The following APC variants were observed in gnomAD, a reference collection of about 807,000 sequenced individuals.
APC encodes adenomatous polyposis coli protein.
In APC, 72 loss-of-function variants were observed where a neutral mutation model predicts 247.0. That is an observed-to-expected ratio of 0.29 (90% CI 0.24 to 0.35). APC has a LOEUF of 0.35. Among genes scored for constraint, APC ranks in the 10% least tolerant of loss-of-function variants. The pLI is 1.00. For synonymous variants in APC, 1,254 were observed against 1,162.5 expected, an observed-to-expected ratio of 1.08 and a Z score of -1.60; for missense variants, 3,400 against 3,360.7, an observed-to-expected ratio of 1.01 and a Z score of -0.29.
intron 6 of APC, among the ~76,000 whole-genome samples, chr5:112,782,883 A>G (rs1758505003): frequency 1.3e-5 from 2 of 152,222 alleles, no homozygotes; most frequent in South Asian, 4.1e-4. Context: ...CAAAGAACTA[A>G]AATCAAGAAT....
At chr5:112,755,225 AGT>A (rs1285101568) in intron 2 of APC, 200 bp downstream of exon 2, 1 of 371,410 alleles carries the variant, frequency 2.7e-6, no homozygotes, top group African/African-American at 2.2e-5. Context: ...AAAGAAAATA[AGT>A]GTAAAACTCC....
chr5:112,836,165 T>TGG, intron 15 of APC, among the ~76,000 whole-genome samples: 1 of 24,492 alleles, frequency 4.1e-5, no homozygotes, highest in Non-Finnish European at 8.5e-5. Flanking sequence ...GGATTACAGG[T>TGG]CCCCCCCCCC....
In APC at chr5:112,842,548, T is replaced by C. The variant is rs1554087876; in HGVS notation, c.6954T>C (p.Ser2318=). 1 of 1,613,908 alleles carries C rather than the reference T, an allele frequency of 6.2e-7. No individual in the cohort carries two copies. The highest frequency in any genetic ancestry group is 1.3e-5 in the African/African-American group (1 of 74,928). Residue 2318 remains serine (S), a synonymous_variant, in exon 16 of 16, where the codon AGT becomes AGC. Coordinates refer to ENST00000257430, the MANE Select transcript of APC (RefSeq NM_000038.6). ...CAAGACCTGCCCAGCAACCATTAAG[T>C]AGACCTATACAGTCTCCTGGCCGAA... ...TPSRPAQQPL[S]RPIQSPGRNS...
chr5:112,734,079 G>A (rs1752236846), upstream of APC, among the ~76,000 whole-genome samples: 1 of 152,152 alleles, frequency 6.6e-6, no homozygotes, highest in South Asian at 2.1e-4. Flanking sequence ...TGTAATCACA[G>A]CACCTTGCGA....
chr5:112,750,153 G>A (rs1252935119), intron 1 of APC, among the ~76,000 whole-genome samples: 2 of 151,726 alleles, frequency 1.3e-5, no homozygotes, highest in Non-Finnish European at 2.9e-5. Context: ...AGTAGAGATC[G>A]GGTTTCACCA....
rs77929348 is a variant in APC, at chr5:112,783,765, CAAAAAAAAA to C, written c.645+2873_645+2881del. 1.3e-3 allele frequency: 258 copies of C among 198,062 alleles called. 1 individual carries two copies. Among genetic ancestry groups the C allele is most frequent in the Non-Finnish European group, 1.9e-3 (211 of 108,784 alleles). The allele number at this position is 198,062 out of a possible 1,614,324, so 12.3% of individuals were successfully genotyped here. ...TGAGCTACAATCTCACCACTGCACTCAAAAAAAAAAAAAAAAAAAGAGAAAGAAAGGAAA... is the reference window on the plus strand; with the variant it reads ...TGAGCTACAATCTCACCACTGCACTCAAAAAAAAAAGAGAAAGAAAGGAAA... On this transcript the variant is annotated intron_variant, in intron 6 of 15. Transcript: ENST00000257430.
intron 1 of APC, among the ~76,000 whole-genome samples, chr5:112,720,108 T>C (rs1157986964): frequency 6.6e-6 from 1 of 152,232 alleles, no homozygotes; most frequent in Admixed American, 6.5e-5. Context: ...TCTTCTGTGA[T>C]GGAGGAGTGT....
intron 1 of APC, among the ~76,000 whole-genome samples, chr5:112,714,625 C>G (rs868039637): frequency 5.3e-5 from 8 of 152,314 alleles, no homozygotes; most frequent in African/African-American, 1.9e-4. Context: ...TTTCAGACTT[C>G]ATATCCTCAT....
At position 112,843,567 on chromosome 5, in the gene APC, G is replaced by C. The variant is rs79619757; in HGVS notation, c.7973G>C (p.Trp2658Ser). Reference protein sequence around the residue: ...APAVSKTEDVWVRIEDCPINN... With the variant: ...APAVSKTEDVSVRIEDCPINN... ...GCTGTTTCTAAAACAGAGGATGTTT[G>C]GGTGAGAATTGAGGACTGTCCCATT... Residue 2658 changes from tryptophan (W) to serine (S), a missense_variant, in exon 16 of 16, where the codon TGG becomes TCG. Coordinates refer to ENST00000257430, the MANE Select transcript of APC (RefSeq NM_000038.6). The surrounding 1 kb of genome is among the most constrained non-coding windows in gnomAD (Gnocchi z 4.8). 6.2e-7 allele frequency: 1 copy of C among 1,613,926 alleles called. No individual in the cohort carries two copies. Among genetic ancestry groups the C allele is most frequent in the South Asian group, 1.1e-5 (1 of 91,068 alleles).
intron 1 of APC, among the ~76,000 whole-genome samples, chr5:112,711,827 C>T (rs575695195): frequency 6.6e-6 from 1 of 152,188 alleles, no homozygotes; most frequent in Non-Finnish European, 1.5e-5. Context: ...GCTAAGCTCC[C>T]ATTTATCTGC....
intron 14 of APC, among the ~76,000 whole-genome samples, chr5:112,832,501 A>T (rs529181761): frequency 6.6e-6 from 1 of 152,354 alleles, no homozygotes; most frequent in East Asian, 1.9e-4. Context: ...AAGAGAGTAA[A>T]GTAGCTATTT....
chr5:112,797,970 T>C (rs1038014924), intron 7 of APC, among the ~76,000 whole-genome samples: 3 of 152,212 alleles, frequency 2.0e-5, no homozygotes, highest in African/African-American at 7.2e-5. Context: ...CCCTCATTGC[T>C]GGTGGGAATT....
intron 1 of APC, among the ~76,000 whole-genome samples, chr5:112,742,596 G>A (rs943805385): frequency 6.6e-6 from 1 of 152,150 alleles, no homozygotes; most frequent in African/African-American, 2.4e-5. Flanking sequence ...TTGGCTATTG[G>A]CAAGAGACCT....
chr5:112,790,419 G>A (rs998400820), intron 6 of APC, among the ~76,000 whole-genome samples: 1 of 151,968 alleles, frequency 6.6e-6, no homozygotes, highest in Non-Finnish European at 1.5e-5. Context: ...TCTGCCTCCT[G>A]GGTTCGAGCG....
At chr5:112,763,422 A>G (rs1481171554) in intron 2 of APC, among the ~76,000 whole-genome samples, 15 of 151,914 alleles carry the variant, frequency 9.9e-5, no homozygotes, top group Admixed American at 9.8e-4. Context: ...TTACAGTTGC[A>G]TAGTATTCCA....
intron 10 of APC, among the ~76,000 whole-genome samples, chr5:112,819,620 TGAG>T (rs1275788370): frequency 1.3e-5 from 2 of 152,216 alleles, no homozygotes; most frequent in Non-Finnish European, 2.9e-5. Context: ...AGAAAGAACT[TGAG>T]CAATTATGTT....
At chr5:112,836,776 G>T (rs1165965611) in intron 15 of APC, among the ~76,000 whole-genome samples, 1 of 150,846 alleles carries the variant, frequency 6.6e-6, no homozygotes, top group Non-Finnish European at 1.5e-5. Context: ...GTGTGATCTC[G>T]GCTCACTGCA....
upstream of APC, among the ~76,000 whole-genome samples, chr5:112,736,138 G>T (rs903180185): frequency 6.6e-6 from 1 of 152,198 alleles, no homozygotes; most frequent in African/African-American, 2.4e-5. Flanking sequence ...AATAAGTCCT[G>T]TGCAGTGAAT....
intron 7 of APC, among the ~76,000 whole-genome samples, chr5:112,794,302 A>C (rs2149690358): frequency 6.6e-6 from 1 of 152,274 alleles, no homozygotes; most frequent in East Asian, 1.9e-4. Flanking sequence ...GCTGGTCTCG[A>C]ACTCCTGAGC....
Sources: allele counts gnomAD v4.1 joint callset (sites outside exome capture counted in the v4.1 genomes callset), GRCh38; gene constraint gnomAD v4.1.1; non-coding constraint Gnocchi (gnomAD v3.1); transcripts MANE v1.5; gene names NCBI Gene and HGNC (gene_info 2026-07-23, HGNC 2026-07-21).